The following ESR2 variants were observed in gnomAD, a reference collection of about 807,000 sequenced individuals.
ESR2 encodes the protein estrogen receptor 2.
ESR2 carries 36 observed loss-of-function variants against 49.6 expected under a neutral mutation model. That is an observed-to-expected ratio of 0.73 (90% CI 0.56 to 0.96). The LOEUF (loss-of-function observed/expected upper bound fraction) is 0.96. Ranked by LOEUF, ESR2 falls within the 40% of genes least tolerant of loss-of-function variation. ESR2 has a pLI of 0.00. For missense variants in ESR2, 714 were observed against 693.0 expected (o/e 1.03, Z -0.34); for synonymous variants, 320 against 266.1 (o/e 1.20, Z -1.97).
Position 64,280,101 on chromosome 14 carries a change from C to T in ESR2, c.415G>A (p.Gly139Ser), listed in dbSNP as rs756718563. The T allele has an allele frequency of 6.2e-7, 1 of 1,614,084 alleles. No homozygotes were observed. The highest frequency in any genetic ancestry group is 1.1e-5 in the South Asian group (1 of 91,082). Residue 139 changes from glycine to serine, a missense_variant, in exon 3 of 9, where the codon GGT (glycine) becomes AGT (serine). Coordinates refer to ENST00000341099, the MANE Select transcript of ESR2 (RefSeq NM_001437.3). ...TGAGCATCCCTCTTTGAACCTGGAC[C>T]AGTAACAGGGCTGGCGCAACGGTTC... ...SGNRCASPVTGPGSKRDAHFC... is the reference protein window; with the variant it reads ...SGNRCASPVTSPGSKRDAHFC...
chr14:64,254,285 G>A (rs66969518), intron 6 of ESR2, among the ~76,000 whole-genome samples: 6 of 152,064 alleles, frequency 3.9e-5, no homozygotes, highest in Non-Finnish European at 8.8e-5. Flanking sequence ...AAAAAGAGTC[G>A]TAATAGAAGT....
rs1338499414 is a variant in ESR2 at position 64,286,169 on chromosome 14, C to T, written c.-90-3094G>A. ...CCAAAGTGGTACCACTTCCAACCAA[C>T]ATTGTAAATCAAAAATTTGGACCAA... is the stretch of plus-strand genomic sequence containing the variant. On this transcript the variant is annotated intron_variant, in intron 1 of 8. Coordinates refer to ENST00000341099, the MANE Select transcript of ESR2 (RefSeq NM_001437.3). Among the ~76,000 whole-genome samples the T allele has an allele frequency of 3.3e-5, 5 of 152,080 alleles. No homozygotes were observed. In the South Asian group the frequency reaches 8.3e-4, roughly 25 times the overall value.
At chr14:64,288,989 A>C (rs1460302609) in intron 1 of ESR2, among the ~76,000 whole-genome samples, 2 of 134,980 alleles carry the variant, frequency 1.5e-5, no homozygotes, top group Non-Finnish European at 3.1e-5. Flanking sequence ...TCTGTCTCAA[A>C]AAAAAAAAAA....
intron 1 of ESR2, among the ~76,000 whole-genome samples, chr14:64,306,181 G>A (rs2077095232): frequency 2.0e-5 from 3 of 149,006 alleles, no homozygotes; most frequent in African/African-American, 7.4e-5. Flanking sequence ...CAGCCTGGGT[G>A]ACAAGAGCGA....
chr14:64,310,085 T>TA (rs926214325), intron 1 of ESR2, among the ~76,000 whole-genome samples: 6 of 145,796 alleles, frequency 4.1e-5, no homozygotes, highest in Non-Finnish European at 9.0e-5. Flanking sequence ...GACTCCGTCT[T>TA]AAAAAAAAGA....
At chr14:64,280,458 A>G (rs1441330524) in intron 2 of ESR2, among the ~76,000 whole-genome samples, 1 of 152,168 alleles carries the variant, frequency 6.6e-6, no homozygotes, top group Non-Finnish European at 1.5e-5. Flanking sequence ...TGGGAGCTAC[A>G]TCTCTAAGTG....
intron 4 of ESR2, 86 bp from the exon 5 acceptor site, chr14:64,260,834 G>T: frequency 2.4e-6 from 3 of 1,234,304 alleles, no homozygotes; most frequent in Admixed American, 2.9e-5. Flanking sequence ...TCTGGAGCCT[G>T]TGGGGCACGT....
intron 1 of ESR2, among the ~76,000 whole-genome samples, chr14:64,315,824 T>G (rs1432839893): frequency 6.6e-6 from 1 of 151,762 alleles, no homozygotes; most frequent in African/African-American, 2.4e-5. Context: ...CCAGCTAATT[T>G]TTGTATTTTT....
intron 7 of ESR2, among the ~76,000 whole-genome samples, chr14:64,243,399 A>C (rs1050728462): frequency 1.3e-5 from 2 of 152,236 alleles, no homozygotes; most frequent in Admixed American, 6.5e-5. Flanking sequence ...CACAGACATA[A>C]AGTGAGCACA....
upstream of ESR2, among the ~76,000 whole-genome samples, chr14:64,296,661 A>T (rs2076961377): frequency 6.6e-6 from 1 of 152,098 alleles, no homozygotes; most frequent in South Asian, 2.1e-4. Flanking sequence ...CTGCAGACAA[A>T]CTTCTGCCAC....
intron 4 of ESR2, among the ~76,000 whole-genome samples, chr14:64,265,645 T>C (rs2076314543): frequency 6.6e-6 from 1 of 152,238 alleles, no homozygotes; most frequent in South Asian, 2.1e-4. Context: ...AATACATGGC[T>C]ATTCAGAGGG....
At chr14:64,307,200 AATTTATTT>A (rs755253492) in intron 1 of ESR2, among the ~76,000 whole-genome samples, 4 of 150,750 alleles carry the variant, frequency 2.7e-5, no homozygotes, top group East Asian at 1.9e-4. Flanking sequence ...AATTTAATTT[AATTTATTT>A]ATTTATTTAT....
intron 3 of ESR2, among the ~76,000 whole-genome samples, chr14:64,270,687 T>A (rs1426135751): frequency 1.3e-5 from 2 of 152,134 alleles, no homozygotes; most frequent in African/African-American, 4.8e-5. Flanking sequence ...TTTTTGTATT[T>A]TTAGTAGAGA....
At chr14:64,302,528 T>A (rs1199102588) in intron 1 of ESR2, among the ~76,000 whole-genome samples, 3 of 151,812 alleles carry the variant, frequency 2.0e-5, no homozygotes, top group Non-Finnish European at 2.9e-5. Context: ...CCCAGCCCCC[T>A]CCCCCAAAAT....
intron 1 of ESR2, among the ~76,000 whole-genome samples, chr14:64,334,533 A>C (rs1400819409): frequency 1.3e-5 from 2 of 152,228 alleles, no homozygotes; most frequent in Non-Finnish European, 2.9e-5. Context: ...ACCTATTGAC[A>C]TACCTCCACA....
intron 5 of ESR2, among the ~76,000 whole-genome samples, chr14:64,258,535 C>A (rs975326464): frequency 6.6e-6 from 1 of 152,154 alleles, no homozygotes; most frequent in Non-Finnish European, 1.5e-5. Context: ...ATGGGGGTAA[C>A]AATGCCTATC....
At chr14:64,261,232 C>CTTTCTTTTTTTTTTTTT (rs1555577156) in intron 4 of ESR2, among the ~76,000 whole-genome samples, 9 of 88,684 alleles carry the variant, frequency 1.0e-4, no homozygotes, top group African/African-American at 3.3e-4. Flanking sequence ...TTTTATTTTT[C>CTTTCTTTTTTTTTTTTT]TTTTTTCTTT....
rs750554682 is a variant in ESR2 at position 64,268,802 on chromosome 14, C to T, written c.645G>A (p.Val215=). ...AGGGAAGCAAGCACTCACCACACTT[C>T]ACCATTCCCACTTCGTAACACTTCC... ...RLRKCYEVGM[V]KCGSRRERCG... The change falls in exon 4 of 9, where the codon GTG becomes GTA. Residue 215 remains valine, a synonymous_variant. Transcript: ENST00000341099. 1.2e-6 allele frequency: 2 copies of T among 1,606,896 alleles called. No individual in the cohort carries two copies. The highest frequency in any genetic ancestry group is 1.7e-5 in the Admixed American group (1 of 59,984).
chr14:64,269,056 A>AC, intron 3 of ESR2, 145 bp from the exon 4 acceptor site: 1 of 571,642 alleles, frequency 1.7e-6, no homozygotes, highest in Admixed American at 3.2e-5. Context: ...AGCCAAAGTC[A>AC]AGCTACATTG....
Sources: allele counts gnomAD v4.1 joint callset (sites outside exome capture counted in the v4.1 genomes callset), GRCh38; gene constraint gnomAD v4.1.1; transcripts MANE v1.5; gene names NCBI Gene and HGNC (gene_info 2026-07-23, HGNC 2026-07-21).